The following KCNIP1 variants were observed in gnomAD, a reference collection of about 807,000 sequenced individuals.
KCNIP1 encodes the protein potassium voltage-gated channel interacting protein 1.
KCNIP1 carries 18 observed loss-of-function variants against 33.0 expected under a neutral mutation model. The observed-to-expected ratio is 0.55, with a 90% CI of 0.38 to 0.81. The LOEUF is 0.81. Ranked by LOEUF, KCNIP1 falls within the 30% of genes least tolerant of loss-of-function variation. The pLI, the probability that KCNIP1 is intolerant of heterozygous loss-of-function variation, is 0.00. For missense variants in KCNIP1, 238 were observed against 271.6 expected, an observed-to-expected ratio of 0.88 and a Z score of 0.87; for synonymous variants, 93 against 98.3, an observed-to-expected ratio of 0.95 and a Z score of 0.32.
intron 1 of KCNIP1, among the ~76,000 whole-genome samples, chr5:170,451,088 C>A (rs1756238037): frequency 6.6e-6 from 1 of 152,174 alleles, no homozygotes; most frequent in Non-Finnish European, 1.5e-5. Context: ...CAGTTTGTCT[C>A]CTGTTGAACA....
intron 1 of KCNIP1, among the ~76,000 whole-genome samples, chr5:170,571,171 T>G (rs1335999913): frequency 6.6e-6 from 1 of 152,204 alleles, no homozygotes; most frequent in East Asian, 1.9e-4. Context: ...CTCACTCACT[T>G]TCCTCCCTCT....
At position 170,612,601 on chromosome 5, in the gene KCNIP1, C is replaced by T. The variant is rs148672197; in HGVS notation, c.62-106157C>T. Among the ~76,000 whole-genome samples, 361 of 152,228 alleles carry T rather than the reference C, an allele frequency of 2.4e-3. 3 individuals are homozygous for T. Among genetic ancestry groups the T allele is most frequent in the African/African-American group, 8.1e-3 (338 of 41,518 alleles). On this transcript the variant is annotated intron_variant, in intron 1 of 7. Transcript: ENST00000328939. ...GGAATCAGAAGGCCTCCCCAGAGCT[C>T]GCTCCCATTTTCCTGAGTCTAGGAA...
chr5:170,504,105 A>G lies in KCNIP1; in HGVS notation c.-468A>G. Reference sequence around the variant, plus strand: ...GCGCCGCGCGGTCCGGGCTCTGTTCATTCATGATTGGTACTCGGCCCTCCG... The same window carrying G: ...GCGCCGCGCGGTCCGGGCTCTGTTCGTTCATGATTGGTACTCGGCCCTCCG... On this transcript the variant is annotated 5_prime_UTR_variant, in exon 1 of 8. Transcript: ENST00000328939. This position sits in a 1 kb window ranked among gnomAD's most constrained non-coding sequence, Gnocchi z 6.0. 1 of 986,752 alleles carries G rather than the reference A, an allele frequency of 1.0e-6. No individual in the cohort carries two copies. The highest frequency in any genetic ancestry group is 1.2e-6 in the Non-Finnish European group (1 of 831,222). 61.1% of individuals were successfully genotyped at this position (986,752 alleles called of 1,614,324 possible).
chr5:170,572,934 C>T (rs1380055465), intron 1 of KCNIP1, among the ~76,000 whole-genome samples: 3 of 152,228 alleles, frequency 2.0e-5, no homozygotes, highest in African/African-American at 7.2e-5. Flanking sequence ...CCTATACCAT[C>T]TCATTTAAGC....
intron 1 of KCNIP1, among the ~76,000 whole-genome samples, chr5:170,457,138 A>G (rs1015424070): frequency 2.0e-5 from 3 of 152,274 alleles, no homozygotes; most frequent in Non-Finnish European, 4.4e-5. Flanking sequence ...CAAAAAGTAT[A>G]GAGGAATACA....
intron 1 of KCNIP1, among the ~76,000 whole-genome samples, chr5:170,597,314 G>T (rs1362082452): frequency 6.6e-6 from 1 of 152,194 alleles, no homozygotes; most frequent in Admixed American, 6.5e-5. Flanking sequence ...TCATTCTCCC[G>T]TGCTAGGGAA....
chr5:170,539,414 C>A (rs1200767370), intron 1 of KCNIP1, among the ~76,000 whole-genome samples: 3 of 152,172 alleles, frequency 2.0e-5, no homozygotes, highest in African/African-American at 7.2e-5. Context: ...GGCTTCCTTG[C>A]ACTTTTGCAA....
rs377381809 is a variant in KCNIP1, at chr5:170,580,229, G to A, written c.61+75596G>A. Among the ~76,000 whole-genome samples, 25 of 152,290 alleles carry A rather than the reference G, an allele frequency of 1.6e-4. No homozygotes were observed. In the East Asian group the frequency reaches 3.9e-3, roughly 24 times the overall value. On this transcript the variant is annotated intron_variant, in intron 1 of 7. Coordinates refer to ENST00000328939, the MANE Select transcript of KCNIP1 (RefSeq NM_014592.4). ...TATCTTCAAAGGATAAAACTGCTCT[G>A]AGAGATCTTTGCTTTCTTAGAAACA...
intron 1 of KCNIP1, among the ~76,000 whole-genome samples, chr5:170,570,968 T>TA (rs1757384478): frequency 6.6e-6 from 1 of 152,212 alleles, no homozygotes; most frequent in South Asian, 2.1e-4. Flanking sequence ...AAACTGAGGC[T>TA]AAAAAATGAT....
chr5:170,479,593 G>A (rs17072675), intron 1 of KCNIP1, among the ~76,000 whole-genome samples: 2,819 of 152,172 alleles, frequency 0.019, 75 homozygotes, highest in African/African-American at 0.064. Context: ...ATAGTAAAAT[G>A]CAAGCTCAGC....
chr5:170,604,309 G>A (rs905813), intron 1 of KCNIP1, among the ~76,000 whole-genome samples: 117,019 of 152,060 alleles, frequency 0.77, 45,569 homozygotes, highest in Non-Finnish European at 0.81. Flanking sequence ...ACATCTGGTG[G>A]AGGTGAGGTC....
At chr5:170,598,518 G>A (rs1561709181) in intron 1 of KCNIP1, among the ~76,000 whole-genome samples, 2 of 152,182 alleles carry the variant, frequency 1.3e-5, no homozygotes, top group Admixed American at 6.5e-5. Flanking sequence ...TACCTACCCT[G>A]TGAGTATAGA....
At chr5:170,366,198 A>T (rs1763655166) in intron 1 of KCNIP1, among the ~76,000 whole-genome samples, 1 of 152,144 alleles carries the variant, frequency 6.6e-6, no homozygotes, top group South Asian at 2.1e-4. Context: ...AACCTTTAAA[A>T]TCTCCTGTAC....
At chr5:170,488,729 G>A (rs973072333) in intron 1 of KCNIP1, among the ~76,000 whole-genome samples, 1 of 152,156 alleles carries the variant, frequency 6.6e-6, no homozygotes, top group Non-Finnish European at 1.5e-5. Flanking sequence ...TGACATGAGC[G>A]AAGCCAAGAG....
rs574286726 is a variant in KCNIP1 at position 170,362,448 on chromosome 5, C to T, written c.88+8484C>T. The stretch of plus-strand genomic sequence containing the variant: ...CAAGACTTCAGGACCTCCATTCTGA[C>T]TGAGGAAGTGCAATTGAGGAGAATG... On this transcript the variant is annotated intron_variant, in intron 1 of 7. Transcript: ENST00000377360. 1.8e-4 allele frequency among the ~76,000 whole-genome samples: 27 copies of T among 152,344 alleles called. No individual in the cohort carries two copies. The South Asian group carries it at 5.4e-3, about 30-fold the overall frequency.
At chr5:170,366,340 C>T (rs1394108708) in intron 1 of KCNIP1, among the ~76,000 whole-genome samples, 5 of 152,214 alleles carry the variant, frequency 3.3e-5, no homozygotes, top group East Asian at 3.8e-4. Flanking sequence ...ACCTGGATGT[C>T]GTGGCAGTCA....
chr5:170,495,458 G>C (rs1448552201), intron 1 of KCNIP1, among the ~76,000 whole-genome samples: 1 of 152,168 alleles, frequency 6.6e-6, no homozygotes, highest in Non-Finnish European at 1.5e-5. Flanking sequence ...TACACACAGA[G>C]GTGGCAGGCC....
At chr5:170,550,153 C>A (rs1581310987) in intron 1 of KCNIP1, among the ~76,000 whole-genome samples, 1 of 152,082 alleles carries the variant, frequency 6.6e-6, no homozygotes, top group Non-Finnish European at 1.5e-5. Flanking sequence ...GTTGACTGGG[C>A]AGTTGGCTGT....
At chr5:170,619,678 C>T (rs528192924) in intron 1 of KCNIP1, among the ~76,000 whole-genome samples, 1 of 152,340 alleles carries the variant, frequency 6.6e-6, no homozygotes, top group South Asian at 2.1e-4. Flanking sequence ...ATAGTTAGAA[C>T]TCAGGCCTCC....
Sources: allele counts gnomAD v4.1 joint callset (sites outside exome capture counted in the v4.1 genomes callset), GRCh38; gene constraint gnomAD v4.1.1; non-coding constraint Gnocchi (gnomAD v3.1); transcripts MANE v1.5; gene names NCBI Gene and HGNC (gene_info 2026-07-23, HGNC 2026-07-21).